Variants in TMEM132D observed in about 807,000 individuals in gnomAD.
TMEM132D encodes the protein transmembrane protein 132D.
TMEM132D carries 21 observed loss-of-function variants against 62.3 expected under a neutral mutation model. The ratio of observed to expected loss-of-function variants is 0.34; its 90% CI spans 0.24 to 0.49. The LOEUF is 0.49. Among genes scored for constraint, TMEM132D ranks in the 20% least tolerant of loss-of-function variants. TMEM132D has a pLI of 0.99. For synonymous variants in TMEM132D, 621 were observed against 575.6 expected, an observed-to-expected ratio of 1.08 and a Z score of -1.13; for missense variants, 1,346 against 1,402.8, an observed-to-expected ratio of 0.96 and a Z score of 0.65.
intron 3 of TMEM132D, among the ~76,000 whole-genome samples, chr12:129,494,325 G>C (rs1874885779): frequency 6.6e-6 from 1 of 152,152 alleles, no homozygotes; most frequent in Non-Finnish European, 1.5e-5. Flanking sequence ...ATATGCCTAA[G>C]GTCAAGTGGC....
At chr12:129,547,989 C>T (rs529943119) in intron 2 of TMEM132D, among the ~76,000 whole-genome samples, 1 of 152,196 alleles carries the variant, frequency 6.6e-6, no homozygotes, top group South Asian at 2.1e-4. Context: ...ACAATTTGTG[C>T]CCTATTTCCC....
intron 3 of TMEM132D, among the ~76,000 whole-genome samples, chr12:129,351,198 G>A (rs1180913447): frequency 6.6e-6 from 1 of 152,194 alleles, no homozygotes; most frequent in Non-Finnish European, 1.5e-5. Flanking sequence ...ACTGGAAGAT[G>A]TATGTGAGGT....
chr12:129,101,355 C>T (rs76073927), intron 5 of TMEM132D, among the ~76,000 whole-genome samples: 1,932 of 152,324 alleles, frequency 0.013, 43 homozygotes, highest in African/African-American at 0.043. Flanking sequence ...GAATGCAGAG[C>T]TGGGAAGAGA....
chr12:129,438,456 C>A (rs562021319), intron 3 of TMEM132D, among the ~76,000 whole-genome samples: 1 of 152,252 alleles, frequency 6.6e-6, no homozygotes, highest in African/African-American at 2.4e-5. Flanking sequence ...TGAAAATACT[C>A]ATTTATAAAA....
intron 4 of TMEM132D, among the ~76,000 whole-genome samples, chr12:129,234,394 G>A (rs538895021): frequency 6.6e-6 from 1 of 152,270 alleles, no homozygotes; most frequent in African/African-American, 2.4e-5. Flanking sequence ...TGTAGGCTCC[G>A]TAGCAACTGC....
intron 2 of TMEM132D, among the ~76,000 whole-genome samples, chr12:129,548,568 G>T (rs1593061624): frequency 6.6e-6 from 1 of 152,282 alleles, no homozygotes; most frequent in Non-Finnish European, 1.5e-5. Flanking sequence ...CTAGGTAATG[G>T]CCTGTTCTTT....
chr12:129,679,703 G>C (rs1378698620), intron 2 of TMEM132D, among the ~76,000 whole-genome samples: 2 of 151,814 alleles, frequency 1.3e-5, no homozygotes, highest in African/African-American at 4.8e-5. Flanking sequence ...GCATGTACTG[G>C]CTCTTTGATC....
intron 3 of TMEM132D, among the ~76,000 whole-genome samples, chr12:129,412,473 G>A (rs539330386): frequency 6.6e-6 from 1 of 150,516 alleles, no homozygotes; most frequent in South Asian, 2.2e-4. Flanking sequence ...AAGTCTACTG[G>A]GAATTTTGAA....
chr12:129,415,344 CTT>C (rs1272810448), intron 3 of TMEM132D, among the ~76,000 whole-genome samples: 2 of 152,180 alleles, frequency 1.3e-5, no homozygotes, highest in African/African-American at 4.8e-5. Flanking sequence ...TTTCCTCTGT[CTT>C]TTTGGTAACG....
At chr12:129,427,142 C>T (rs1872523326) in intron 3 of TMEM132D, among the ~76,000 whole-genome samples, 1 of 152,148 alleles carries the variant, frequency 6.6e-6, no homozygotes, top group South Asian at 2.1e-4. Flanking sequence ...TGCATGTTTA[C>T]CATCTATATG....
At chr12:129,156,757 C>T (rs146400618) in intron 5 of TMEM132D, among the ~76,000 whole-genome samples, 16 of 152,144 alleles carry the variant, frequency 1.1e-4, no homozygotes, top group Middle Eastern at 3.4e-3. Context: ...TCCATGATAA[C>T]TAACCCACTC....
intron 4 of TMEM132D, among the ~76,000 whole-genome samples, chr12:129,279,455 T>A (rs1881083395): frequency 6.6e-6 from 1 of 152,194 alleles, no homozygotes; most frequent in South Asian, 2.1e-4. Context: ...GCAACAGAAG[T>A]AGCAAGCCAC....
chr12:129,338,711 C>A (rs1869371257), intron 3 of TMEM132D, among the ~76,000 whole-genome samples: 1 of 152,138 alleles, frequency 6.6e-6, no homozygotes, highest in African/African-American at 2.4e-5. Context: ...AGATCTATTT[C>A]TAAAAGATTT....
intron 1 of TMEM132D, among the ~76,000 whole-genome samples, chr12:129,788,916 G>A (rs1871319288): frequency 6.6e-6 from 1 of 152,146 alleles, no homozygotes. Flanking sequence ...GGAGGGCAAT[G>A]AGGCAGGGAT....
intron 2 of TMEM132D, among the ~76,000 whole-genome samples, chr12:129,616,887 G>T (rs2137156238): frequency 1.3e-5 from 2 of 152,356 alleles, no homozygotes; most frequent in African/African-American, 4.8e-5. Flanking sequence ...ATGAGCAAAA[G>T]CTGATGTAAG....
At chr12:129,107,322 G>A (rs754737427) in intron 5 of TMEM132D, among the ~76,000 whole-genome samples, 19 of 152,112 alleles carry the variant, frequency 1.2e-4, no homozygotes, top group African/African-American at 1.9e-4. Context: ...ATAATGTCAC[G>A]TACATACAAG....
intron 4 of TMEM132D, among the ~76,000 whole-genome samples, chr12:129,261,988 G>C (rs1880561030): frequency 6.6e-6 from 1 of 152,246 alleles, no homozygotes; most frequent in East Asian, 1.9e-4. Flanking sequence ...ATTCAGGAGA[G>C]AGGGAGAAAT....
chr12:129,695,566 C>T (rs1485055921), intron 2 of TMEM132D, among the ~76,000 whole-genome samples: 2 of 152,246 alleles, frequency 1.3e-5, no homozygotes, highest in African/African-American at 4.8e-5. Context: ...ACACCAACAT[C>T]TGTCCTCTTT....
chr12:129,513,357 T>C (rs1211327176), intron 3 of TMEM132D, among the ~76,000 whole-genome samples: 1 of 152,152 alleles, frequency 6.6e-6, no homozygotes, highest in African/African-American at 2.4e-5. Flanking sequence ...ATGAGGGATC[T>C]GCCCCCATAA....
Sources: gnomAD v4.1 joint callset for allele counts (sites outside exome capture counted in the v4.1 genomes callset) on GRCh38, gnomAD v4.1.1 for gene constraint, MANE v1.5 for transcripts, NCBI Gene and HGNC (gene_info 2026-07-23, HGNC 2026-07-21) for gene names.